The following PHF14 variants were observed in gnomAD, a reference collection of about 807,000 sequenced individuals.
PHF14 encodes the protein PHD finger protein 14.
Under a neutral mutation model 117.9 loss-of-function variants are expected in PHF14, and 55 were observed. That is an observed-to-expected ratio of 0.47 (90% CI 0.38 to 0.58). The LOEUF is 0.58. PHF14 is among the 20% of genes least tolerant of loss of function. The pLI is 0.00. For missense variants in PHF14, 978 were observed against 1,122.2 expected, an observed-to-expected ratio of 0.87 and a Z score of 1.84; for synonymous variants, 409 against 368.6, an observed-to-expected ratio of 1.11 and a Z score of -1.26.
chr7:11,087,524 T>G (rs1786462609), intron 16 of PHF14, among the ~76,000 whole-genome samples: 1 of 152,122 alleles, frequency 6.6e-6, no homozygotes, highest in Non-Finnish European at 1.5e-5. Flanking sequence ...GGTTTTTTTG[T>G]TGTTGTTTTA....
chr7:11,051,607 T>C lies in PHF14; in HGVS notation c.2313-5T>C, dbSNP rs748162837. 28 of 1,607,024 alleles carry C rather than the reference T, an allele frequency of 1.7e-5. No individual in the cohort carries two copies. The Admixed American group carries it at 4.6e-4, about 26-fold the overall frequency. On this transcript the variant is annotated splice_polypyrimidine_tract_variant and splice_region_variant and intron_variant, in intron 13 of 17. Coordinates refer to ENST00000634607, the MANE Select transcript of PHF14 (RefSeq NM_001007157.2). ...GCATGACTTAAATTTTTCCCCTTTA[T>C]GTAGGCAGTGCTCGGAATGTGACCA... is the stretch of plus-strand genomic sequence containing the variant.
intron 7 of PHF14, among the ~76,000 whole-genome samples, chr7:11,032,460 T>C (rs1784151096): frequency 6.6e-6 from 1 of 151,898 alleles, no homozygotes; most frequent in African/African-American, 2.4e-5. Flanking sequence ...TATATAACTT[T>C]GATCTGCTAT....
rs544417748 is a variant in PHF14, at chr7:11,106,924, A to G, written c.2655-4426A>G. 13 of 983,998 alleles carry G rather than the reference A, an allele frequency of 1.3e-5. No individual in the cohort carries two copies. The African/African-American group carries it at 1.6e-4, about 12-fold the overall frequency. The allele number at this position is 983,998 out of a possible 1,614,324, so 61.0% of individuals were successfully genotyped here. A position where few individuals can be genotyped will look rare whatever the true frequency, so the allele number is the denominator to read the frequency against. On this transcript the variant is annotated intron_variant, in intron 16 of 17. Coordinates refer to ENST00000634607, the MANE Select transcript of PHF14 (RefSeq NM_001007157.2). ...GCTACAAGTAAAATGTTCCATTGGCATAAAAGATAATGTGATTATCACAAT... is the reference window on the plus strand; with the variant it reads ...GCTACAAGTAAAATGTTCCATTGGCGTAAAAGATAATGTGATTATCACAAT...
chr7:11,151,505 G>A (rs959503319), intron 17 of PHF14, among the ~76,000 whole-genome samples: 3 of 152,140 alleles, frequency 2.0e-5, no homozygotes, highest in Non-Finnish European at 4.4e-5. Context: ...ACTGAAGTGA[G>A]CCATGATCAC....
chr7:11,084,115 G>C (rs1208550307), intron 16 of PHF14, among the ~76,000 whole-genome samples: 1 of 151,994 alleles, frequency 6.6e-6, no homozygotes, highest in African/African-American at 2.4e-5. Context: ...AATAATTACA[G>C]AACTTAAACT....
chr7:10,978,219 C>T (rs904161867), intron 2 of PHF14, among the ~76,000 whole-genome samples: 2 of 151,966 alleles, frequency 1.3e-5, no homozygotes, highest in Non-Finnish European at 2.9e-5. Flanking sequence ...TAGCCCTTTG[C>T]TAGATGTTAT....
At chr7:10,979,103 C>T (rs1326908853) in intron 2 of PHF14, among the ~76,000 whole-genome samples, 1 of 151,958 alleles carries the variant, frequency 6.6e-6, no homozygotes, top group African/African-American at 2.4e-5. Flanking sequence ...TGTATATTAG[C>T]ATAAAACTAA....
chr7:11,130,238 A>G lies in PHF14; in HGVS notation c.2772+18771A>G, dbSNP rs1195842183. On this transcript the variant is annotated intron_variant, in intron 17 of 17. Coordinates refer to ENST00000634607, the MANE Select transcript of PHF14 (RefSeq NM_001007157.2). This position sits in a 1 kb window ranked among gnomAD's most constrained non-coding sequence, Gnocchi z 4.2. ...TTTGATACATATCACTCCAGGCCACATTCCTCAGATGACGCAGTCAAACCT... is the reference window on the plus strand; with the variant it reads ...TTTGATACATATCACTCCAGGCCACGTTCCTCAGATGACGCAGTCAAACCT... Among the ~76,000 whole-genome samples, 1 of 152,012 alleles carries G rather than the reference A, an allele frequency of 6.6e-6. No homozygotes were observed. The highest frequency in any genetic ancestry group is 2.4e-5 in the African/African-American group (1 of 41,430).
At chr7:11,070,972 T>C (rs990688738) in intron 16 of PHF14, among the ~76,000 whole-genome samples, 7 of 152,222 alleles carry the variant, frequency 4.6e-5, no homozygotes, top group Admixed American at 1.3e-4. Context: ...CTTTTAAAAT[T>C]ACTGAGTACA....
rs1293233933 is a variant in PHF14, at chr7:11,121,441, A to G, written c.2772+9974A>G. 3.9e-5 allele frequency among the ~76,000 whole-genome samples: 6 copies of G among 152,156 alleles called. No homozygotes were observed. The East Asian group carries it at 1.2e-3, about 29-fold the overall frequency. On this transcript the variant is annotated intron_variant, in intron 17 of 17. Coordinates refer to ENST00000634607, the MANE Select transcript of PHF14 (RefSeq NM_001007157.2). ...TTTTCTTTTAGAAAGGTAGACTCTC[A>G]GTACAGTAGCCTCCCCCCACTGCCT...
intron 17 of PHF14, among the ~76,000 whole-genome samples, chr7:11,123,255 T>A (rs1469996923): frequency 6.6e-6 from 1 of 152,198 alleles, no homozygotes; most frequent in Non-Finnish European, 1.5e-5. Context: ...AGAGACTTTT[T>A]TGCCTTTTAA....
At chr7:11,042,659 T>C in intron 12 of PHF14, 24 bp from the exon 13 acceptor site, 2 of 1,519,172 alleles carry the variant, frequency 1.3e-6, no homozygotes, top group African/African-American at 2.8e-5. Context: ...TATTGAAATC[T>C]TTACTTGCTG....
At chr7:11,166,248 G>C (rs1789199326) in intron 17 of PHF14, among the ~76,000 whole-genome samples, 1 of 151,786 alleles carries the variant, frequency 6.6e-6, no homozygotes, top group Non-Finnish European at 1.5e-5. Context: ...AAACTTGTCA[G>C]GGCTGTCACT....
At chr7:11,008,284 A>G (rs1783197133) in intron 4 of PHF14, among the ~76,000 whole-genome samples, 1 of 152,126 alleles carries the variant, frequency 6.6e-6, no homozygotes, top group Admixed American at 6.5e-5. Context: ...TGTTCACTGG[A>G]TAGTAGAATA....
Position 11,013,837 on chromosome 7 carries a change from G to T in PHF14, c.1136G>T (p.Cys379Phe). 6.2e-7 allele frequency: 1 copy of T among 1,610,498 alleles called. No individual in the cohort carries two copies. The highest frequency in any genetic ancestry group is 8.5e-7 in the Non-Finnish European group (1 of 1,177,058). Reference sequence around the variant, plus strand: ...CCTTGGTTTTGTGATGCCTGTAAATGTGGTGTTTCTCCTAGCTGTGAACTG... The same window carrying T: ...CCTTGGTTTTGTGATGCCTGTAAATTTGGTGTTTCTCCTAGCTGTGAACTG... ...TEPWFCDACK[C>F]GVSPSCELCP... Residue 379 changes from cysteine (C) to phenylalanine (F), a missense_variant, in exon 5 of 18, where the codon TGT (cysteine) becomes TTT (phenylalanine). Coordinates refer to ENST00000634607, the MANE Select transcript of PHF14 (RefSeq NM_001007157.2).
intron 17 of PHF14, among the ~76,000 whole-genome samples, chr7:11,162,772 G>T (rs902019167): frequency 6.9e-6 from 1 of 144,710 alleles, no homozygotes; most frequent in Non-Finnish European, 1.5e-5. Context: ...CGCAACCTCC[G>T]CTTCCTGGGT....
At chr7:10,980,368 A>G (rs1376445139) in intron 2 of PHF14, among the ~76,000 whole-genome samples, 2 of 152,130 alleles carry the variant, frequency 1.3e-5, no homozygotes, top group Non-Finnish European at 2.9e-5. Flanking sequence ...TGTGCATAAA[A>G]AATCTTTCTG....
At chr7:11,034,230 T>G (rs1260253098) in intron 7 of PHF14, among the ~76,000 whole-genome samples, 1 of 152,140 alleles carries the variant, frequency 6.6e-6, no homozygotes, top group Admixed American at 6.5e-5. Context: ...AAAACTCTAC[T>G]TAGAGACACT....
At chr7:11,129,429 A>C (rs1315154137) in intron 17 of PHF14, among the ~76,000 whole-genome samples, 1 of 152,060 alleles carries the variant, frequency 6.6e-6, no homozygotes, top group Non-Finnish European at 1.5e-5. Context: ...TTTCTTTGGA[A>C]TAGACACAGT....
Sources: allele counts gnomAD v4.1 joint callset (sites outside exome capture counted in the v4.1 genomes callset), GRCh38; gene constraint gnomAD v4.1.1; non-coding constraint Gnocchi (gnomAD v3.1); transcripts MANE v1.5; gene names NCBI Gene and HGNC (gene_info 2026-07-23, HGNC 2026-07-21).